The following MAP4 variants were observed in gnomAD, a reference collection of about 807,000 sequenced individuals.
MAP4 encodes microtubule-associated protein 4.
A neutral mutation model predicts 170.2 loss-of-function variants in MAP4; 76 were observed. That is an observed-to-expected ratio of 0.45 (90% CI 0.37 to 0.54). The LOEUF is 0.54. Among genes scored for constraint, MAP4 ranks in the 20% least tolerant of loss-of-function variants. The pLI is 0.00. For missense variants in MAP4, 2,506 were observed against 2,748.0 expected (o/e 0.91, Z 1.97); for synonymous variants, 909 against 994.5 (o/e 0.91, Z 1.62).
At chr3:47,995,365 C>T (rs1001506304) in intron 2 of MAP4, among the ~76,000 whole-genome samples, 1 of 151,410 alleles carries the variant, frequency 6.6e-6, no homozygotes, top group Non-Finnish European at 1.5e-5. Context: ...ATTCTTGTAC[C>T]TCAGCCTCCT....
intron 1 of MAP4, among the ~76,000 whole-genome samples, chr3:48,026,013 T>C (rs189677886): frequency 3.2e-4 from 49 of 151,616 alleles, no homozygotes; most frequent in South Asian, 6.2e-4. Flanking sequence ...TCTATACATC[T>C]GAAGAGAAAT....
chr3:48,060,878 A>C (rs2100134818), intron 1 of MAP4, among the ~76,000 whole-genome samples: 1 of 152,194 alleles, frequency 6.6e-6, no homozygotes, highest in African/African-American at 2.4e-5. Flanking sequence ...ACGGAGTCTC[A>C]CTGTCGCCCA....
At chr3:47,933,692 C>G (rs1260687802) in intron 3 of MAP4, among the ~76,000 whole-genome samples, 1 of 151,828 alleles carries the variant, frequency 6.6e-6, no homozygotes, top group Non-Finnish European at 1.5e-5. Context: ...GATCCGCCTC[C>G]CAGATTCACG....
chr3:48,021,835 G>A (rs771966417), intron 1 of MAP4, among the ~76,000 whole-genome samples: 6 of 152,196 alleles, frequency 3.9e-5, no homozygotes, highest in Non-Finnish European at 7.3e-5. Context: ...ATTGAACCAT[G>A]TGAAAATGCT....
intron 1 of MAP4, among the ~76,000 whole-genome samples, chr3:48,083,393 A>G (rs747492880): frequency 6.6e-6 from 1 of 152,344 alleles, no homozygotes; most frequent in South Asian, 2.1e-4. Context: ...TTTTTGAGAC[A>G]GTCTCGCTGT....
Position 47,909,414 on chromosome 3 carries a change from T to G in MAP4, c.5007A>C (p.Lys1669Asn). Residue 1669 changes from lysine to asparagine, a missense_variant, in exon 9 of 21, where the codon AAA becomes AAC. By Grantham distance (94) the Lys-to-Asn change is moderately conservative (BLOSUM62 0). Around this residue, in one of 3 missense-constraint regions of MAP4, gnomAD observed 2,008 missense variants for 2,206.0 expected, o/e 0.91. Transcript: ENST00000683076. ...TLLSPKSEND[K>N]LKEISLACKI... ...TACAAGCCAGACTAATTTCTTTCAA[T>G]TTATCATTTTCACTTTTTGGAGACA... 6.2e-7 allele frequency: 1 copy of G among 1,613,564 alleles called. No individual in the cohort carries two copies.
At chr3:48,031,020 T>C (rs112843759) in intron 1 of MAP4, among the ~76,000 whole-genome samples, 1 of 152,052 alleles carries the variant, frequency 6.6e-6, no homozygotes, top group Non-Finnish European at 1.5e-5. Flanking sequence ...TAGCACATAG[T>C]GACCTCCTTC....
At chr3:47,918,638 G>T (rs764034192) in intron 6 of MAP4, 81 bp downstream of exon 6, 3 of 1,132,808 alleles carry the variant, frequency 2.6e-6, no homozygotes, top group South Asian at 1.3e-5. Flanking sequence ...GCTGTAAGCT[G>T]CTAAAAAATA....
Position 47,945,932 on chromosome 3 carries a change from T to G in MAP4, c.293-17582A>C, listed in dbSNP as rs767807677. 1.7e-4 allele frequency among the ~76,000 whole-genome samples: 25 copies of G among 151,502 alleles called. 1 individual carries two copies. The highest frequency in any genetic ancestry group is 3.2e-4 in the Non-Finnish European group (22 of 67,822). On this transcript the variant is annotated intron_variant, in intron 3 of 20. Coordinates refer to ENST00000683076, the MANE Select transcript of MAP4 (RefSeq NM_001385682.1). ...CTTCGCCGTGTTGCCAAGACTGGTT[T>G]TATTTTATTTTATTTTTTTTGAGAT...
chr3:47,854,741 AGGCAGGCCCTGCAGAGGGAG>A (rs2051587432), intron 19 of MAP4, among the ~76,000 whole-genome samples: 1 of 61,280 alleles, frequency 1.6e-5, no homozygotes, highest in Non-Finnish European at 3.0e-5. Flanking sequence ...GGGAGGCCCC[AGGCAGGCCCTGCAGAGGGAG>A]GCCCCAGGCA....
rs75699656 is a variant in MAP4 at position 48,082,574 on chromosome 3, G to A, written c.-20+6199C>T. Among the ~76,000 whole-genome samples, 650 of 152,264 alleles carry A rather than the reference G, an allele frequency of 4.3e-3. 5 individuals carry two copies. The highest frequency in any genetic ancestry group is 0.014 in the African/African-American group (590 of 41,564). ...CCTAGCATTTTCGGAGGATGAGGCC[G>A]GTGGACTGCATGAGGCCAGGAGTTC... On this transcript the variant is annotated intron_variant, in intron 1 of 18. Coordinates refer to the MAP4 transcript ENST00000360240.
At chr3:48,048,509 T>TTTTTTTTATC (rs1559853602) in intron 1 of MAP4, among the ~76,000 whole-genome samples, 2 of 22,388 alleles carry the variant, frequency 8.9e-5, no homozygotes, top group Non-Finnish European at 2.7e-4. Context: ...CAATTATCTT[T>TTTTTTTTATC]TTTTTTTTTT....
chr3:48,047,036 G>A (rs1297087718), intron 1 of MAP4, among the ~76,000 whole-genome samples: 3 of 151,844 alleles, frequency 2.0e-5, no homozygotes, highest in Non-Finnish European at 4.4e-5. Flanking sequence ...GGAGCTTGCA[G>A]TAAGCCGAGA....
upstream of MAP4, among the ~76,000 whole-genome samples, chr3:48,020,518 TAAC>T (rs1318165685): frequency 6.6e-6 from 1 of 152,180 alleles, no homozygotes; most frequent in Non-Finnish European, 1.5e-5. Context: ...TGGGAGTACT[TAAC>T]AAGCATTTTG....
Position 47,892,380 on chromosome 3 carries a change from C to T in MAP4, c.5434+10570G>A, listed in dbSNP as rs748550403. 603 of 1,536,094 alleles carry T rather than the reference C, an allele frequency of 3.9e-4. 1 individual carries two copies. The highest frequency in any genetic ancestry group is 4.7e-4 in the Non-Finnish European group (540 of 1,146,940). On this transcript the variant is annotated intron_variant, in intron 10 of 20. Coordinates refer to ENST00000683076, the MANE Select transcript of MAP4 (RefSeq NM_001385682.1). ...CCCTCTGTCCTCTGCCATTCGAATC[C>T]GGCTTGACTGATTTCTTTTGGGGAG...
At chr3:47,900,499 G>C (rs190507189) in intron 10 of MAP4, among the ~76,000 whole-genome samples, 1 of 152,284 alleles carries the variant, frequency 6.6e-6, no homozygotes, top group Admixed American at 6.5e-5. Flanking sequence ...CAGCACTTTG[G>C]GAGGCTGAGG....
At chr3:47,951,411 G>A (rs1424130796) in intron 3 of MAP4, among the ~76,000 whole-genome samples, 1 of 152,078 alleles carries the variant, frequency 6.6e-6, no homozygotes, top group Non-Finnish European at 1.5e-5. Flanking sequence ...CCGAAGCTGG[G>A]CTGTACTGCT....
intron 1 of MAP4, among the ~76,000 whole-genome samples, chr3:48,040,520 C>T (rs1409396436): frequency 2.0e-5 from 3 of 152,132 alleles, no homozygotes; most frequent in Non-Finnish European, 2.9e-5. Context: ...CCGCCCGCCT[C>T]GGCCTCCCAA....
chr3:48,073,457 C>G lies in MAP4; in HGVS notation c.-20+15316G>C, dbSNP rs561078454. On this transcript the variant is annotated intron_variant, in intron 1 of 18. Transcript: ENST00000360240. Reference sequence around the variant, plus strand: ...AGAAACCCCGACTCTACTAAAAATACAAAATTAGCCAGGCATGGTGGCACA... The same window carrying G: ...AGAAACCCCGACTCTACTAAAAATAGAAAATTAGCCAGGCATGGTGGCACA... Among the ~76,000 whole-genome samples the G allele has an allele frequency of 2.6e-5, 4 of 151,538 alleles. No individual in the cohort carries two copies. In the South Asian group the frequency reaches 8.4e-4, roughly 32 times the overall value.
Sources: allele counts gnomAD v4.1 joint callset (sites outside exome capture counted in the v4.1 genomes callset), GRCh38; gene constraint gnomAD v4.1.1; regional missense constraint gnomAD v4.1.1; transcripts MANE v1.5; gene names NCBI Gene and HGNC (gene_info 2026-07-23, HGNC 2026-07-21).